Variants in RARB observed in about 807,000 individuals in gnomAD.
The protein encoded by RARB is retinoic acid receptor beta, also known as HBV-activated protein.
A neutral mutation model predicts 51.9 loss-of-function variants in RARB; 17 were observed. The observed-to-expected ratio is 0.33, with a 90% CI of 0.22 to 0.49. RARB has a LOEUF of 0.49. Ranked by LOEUF, RARB falls within the 20% of genes least tolerant of loss-of-function variation. The pLI is 0.99. For synonymous variants in RARB, 215 were observed against 195.4 expected, an observed-to-expected ratio of 1.10 and a Z score of -0.84; for missense variants, 369 against 550.8, an observed-to-expected ratio of 0.67 and a Z score of 3.30.
chr3:25,239,994 T>C (rs1025421346), intron 5 of RARB, among the ~76,000 whole-genome samples: 1 of 152,042 alleles, frequency 6.6e-6, no homozygotes, highest in Non-Finnish European at 1.5e-5. Context: ...TTCCTTGTAG[T>C]GGTCTTTCAA....
At chr3:25,071,793 T>G (rs539026367) in intron 3 of RARB, among the ~76,000 whole-genome samples, 1 of 152,162 alleles carries the variant, frequency 6.6e-6, no homozygotes, top group Non-Finnish European at 1.5e-5. Flanking sequence ...AGTAATAAAG[T>G]AAGTAGTAGG....
chr3:24,987,485 G>A (rs1467394034), intron 2 of RARB, among the ~76,000 whole-genome samples: 2 of 152,208 alleles, frequency 1.3e-5, no homozygotes, highest in Admixed American at 6.5e-5. Context: ...TGCAAAGGGA[G>A]GTTAGAGAAA....
intron 3 of RARB, among the ~76,000 whole-genome samples, chr3:25,107,736 C>A (rs1699533299): frequency 6.6e-6 from 1 of 152,136 alleles, no homozygotes; most frequent in Admixed American, 6.5e-5. Context: ...TAATAATATG[C>A]TGTAATAAAA....
At chr3:25,419,459 T>G (rs939465170) in intron 5 of RARB, among the ~76,000 whole-genome samples, 3 of 152,142 alleles carry the variant, frequency 2.0e-5, no homozygotes, top group Non-Finnish European at 2.9e-5. Context: ...TTGGGCCTCC[T>G]CAAGCAGAGG....
At chr3:24,968,117 T>C (rs1280767863) in intron 2 of RARB, among the ~76,000 whole-genome samples, 2 of 152,172 alleles carry the variant, frequency 1.3e-5, no homozygotes, top group Non-Finnish European at 2.9e-5. Context: ...AGTTAAAGTA[T>C]TGTAATTCTT....
At chr3:25,472,219 A>G (rs953382651) in intron 2 of RARB, among the ~76,000 whole-genome samples, 2 of 152,138 alleles carry the variant, frequency 1.3e-5, no homozygotes, top group African/African-American at 2.4e-5. Context: ...TTCTCCACAC[A>G]GTGATTAGGA....
At chr3:25,228,639 C>CT (rs919530232) in intron 5 of RARB, among the ~76,000 whole-genome samples, 2 of 151,896 alleles carry the variant, frequency 1.3e-5, no homozygotes, top group African/African-American at 4.8e-5. Flanking sequence ...ATTGCCTTAA[C>CT]TTTTTTTGGT....
chr3:25,246,971 T>C (rs1843029), intron 5 of RARB, among the ~76,000 whole-genome samples: 7,030 of 152,298 alleles, frequency 0.046, 338 homozygotes, highest in African/African-American at 0.12. Context: ...GAGTTTCATC[T>C]ATAAGCCCCT....
chr3:25,060,827 A>C (rs1156860522), intron 3 of RARB, among the ~76,000 whole-genome samples: 5 of 151,872 alleles, frequency 3.3e-5, no homozygotes, highest in African/African-American at 1.2e-4. Flanking sequence ...CCCAGATTGC[A>C]GGGTTATCTT....
chr3:25,107,333 C>A (rs1699526437), intron 3 of RARB, among the ~76,000 whole-genome samples: 1 of 152,176 alleles, frequency 6.6e-6, no homozygotes, highest in Non-Finnish European at 1.5e-5. Flanking sequence ...AACATCTAGA[C>A]TCATTTGTGC....
intron 1 of RARB, among the ~76,000 whole-genome samples, chr3:24,835,903 C>T (rs1477231974): frequency 1.3e-5 from 2 of 152,112 alleles, no homozygotes; most frequent in Non-Finnish European, 2.9e-5. Flanking sequence ...CACAAGAAAG[C>T]ATGATAGAGG....
intron 5 of RARB, among the ~76,000 whole-genome samples, chr3:25,231,698 C>T (rs1702181261): frequency 1.3e-5 from 2 of 152,252 alleles, no homozygotes; most frequent in Non-Finnish European, 2.9e-5. Flanking sequence ...AGCATGGTTT[C>T]ATGTGTTTAC....
intron 3 of RARB, among the ~76,000 whole-genome samples, chr3:25,566,558 C>G (rs1469823074): frequency 6.6e-6 from 1 of 152,212 alleles, no homozygotes; most frequent in Non-Finnish European, 1.5e-5. Context: ...AGATGCCCAA[C>G]TTGGTGCCCA....
intron 2 of RARB, among the ~76,000 whole-genome samples, chr3:24,935,281 C>A (rs932896999): frequency 1.4e-4 from 21 of 152,142 alleles, no homozygotes; most frequent in African/African-American, 4.8e-4. Flanking sequence ...TCCCACTGAG[C>A]TCAAGTAGTT....
At chr3:25,369,738 C>T (rs777764913) in intron 5 of RARB, among the ~76,000 whole-genome samples, 10 of 152,098 alleles carry the variant, frequency 6.6e-5, no homozygotes, top group South Asian at 2.1e-4. Context: ...GTCTGACCAA[C>T]GTGGAGAAAC....
intron 7 of RARB, 38 bp downstream of exon 7, chr3:25,594,716 G>GA: frequency 6.7e-7 from 1 of 1,495,106 alleles, no homozygotes. Flanking sequence ...GTCACACAGT[G>GA]GACTTGAGGG....
At chr3:25,393,495 A>G (rs1707030318) in intron 5 of RARB, among the ~76,000 whole-genome samples, 1 of 152,136 alleles carries the variant, frequency 6.6e-6, no homozygotes, top group Non-Finnish European at 1.5e-5. Context: ...GATAGAATTC[A>G]GCTGTGAATC....
intron 5 of RARB, among the ~76,000 whole-genome samples, chr3:25,357,124 C>T (rs1339765187): frequency 2.0e-5 from 3 of 152,172 alleles, no homozygotes; most frequent in African/African-American, 7.2e-5. Flanking sequence ...AATTTATACT[C>T]CCACCAACAG....
At chr3:25,103,457 A>G (rs1168138133) in intron 3 of RARB, among the ~76,000 whole-genome samples, 39 of 152,204 alleles carry the variant, frequency 2.6e-4, no homozygotes, top group Admixed American at 2.6e-3. Flanking sequence ...AAAATGGAGG[A>G]AAAATCTTAT....
Sources: allele counts gnomAD v4.1 joint callset (sites outside exome capture counted in the v4.1 genomes callset), GRCh38; gene constraint gnomAD v4.1.1; transcripts MANE v1.5; gene names NCBI Gene and HGNC (gene_info 2026-07-23, HGNC 2026-07-21).